CFAP61: variants seen among roughly 807,000 people sequenced by gnomAD.
CFAP61 encodes cilia- and flagella-associated protein 61.
In CFAP61, 107 loss-of-function variants were observed where a neutral mutation model predicts 135.6. The observed-to-expected ratio is 0.79, with a 90% CI of 0.67 to 0.93. The LOEUF is 0.93. Among genes scored for constraint, CFAP61 ranks in the 40% least tolerant of loss-of-function variants. The pLI, the probability that CFAP61 is intolerant of heterozygous loss-of-function variation, is 0.00. For missense variants in CFAP61, 1,507 were observed against 1,556.2 expected (o/e 0.97, Z 0.53); for synonymous variants, 575 against 578.5 (o/e 0.99, Z 0.09).
At chr20:20,148,457 A>AGG (rs1217351916) in intron 9 of CFAP61, among the ~76,000 whole-genome samples, 1 of 151,996 alleles carries the variant, frequency 6.6e-6, no homozygotes, top group African/African-American at 2.4e-5. Flanking sequence ...TTCCTTGTAG[A>AGG]TCTTTCACCT....
chr20:20,196,600 AT>A lies in CFAP61; in HGVS notation c.1623del (p.Ile541MetfsTer35). ...TGAGTACATACGGTCCCATTACAACATTGAAGATTTCATCTACTTCAGTCAC... is the reference window on the plus strand; with the variant it reads ...TGAGTACATACGGTCCCATTACAACATGAAGATTTCATCTACTTCAGTCAC... The part of the protein sequence containing the change: ...DIEYIRSHYN[I>X]EDFIYFSHHQ... On this transcript the variant is annotated frameshift_variant, in exon 16 of 27. Coordinates refer to ENST00000245957, the MANE Select transcript of CFAP61 (RefSeq NM_015585.4). LOFTEE classifies it high-confidence loss of function. The A allele has an allele frequency of 1.2e-6, 2 of 1,614,104 alleles. No homozygotes were observed. The highest frequency in any genetic ancestry group is 1.7e-6 in the Non-Finnish European group (2 of 1,179,974).
chr20:20,171,099 C>G (rs1166940518), intron 13 of CFAP61, among the ~76,000 whole-genome samples: 2 of 152,188 alleles, frequency 1.3e-5, no homozygotes, highest in Non-Finnish European at 2.9e-5. Flanking sequence ...TGTTAGCTTA[C>G]AGAGCCAACT....
intron 9 of CFAP61, among the ~76,000 whole-genome samples, chr20:20,159,124 T>C (rs1417883786): frequency 6.6e-6 from 1 of 152,232 alleles, no homozygotes; most frequent in Non-Finnish European, 1.5e-5. Flanking sequence ...GCACCTGCAC[T>C]ATGCAAAGCA....
At chr20:20,131,965 T>C (rs2050562055) in intron 8 of CFAP61, among the ~76,000 whole-genome samples, 1 of 152,102 alleles carries the variant, frequency 6.6e-6, no homozygotes, top group Non-Finnish European at 1.5e-5. Context: ...CAACAAATTT[T>C]TAAGTGTTCA....
chr20:20,090,812 G>C lies in CFAP61; in HGVS notation c.567-32G>C, dbSNP rs575802315. 11 of 1,608,360 alleles carry C rather than the reference G, an allele frequency of 6.8e-6. No individual in the cohort carries two copies. The South Asian group carries it at 1.1e-4, about 16-fold the overall frequency. On this transcript the variant is annotated intron_variant, in intron 6 of 26. Coordinates refer to ENST00000245957, the MANE Select transcript of CFAP61 (RefSeq NM_015585.4). The stretch of plus-strand genomic sequence containing the variant: ...TGTTGAAGGAAAAAAATGAGTGAAC[G>C]AACACTGAACTTCAGCCTTTCTATT...
chr20:20,277,848 G>A (rs2053891438), intron 22 of CFAP61, among the ~76,000 whole-genome samples: 1 of 152,150 alleles, frequency 6.6e-6, no homozygotes, highest in African/African-American at 2.4e-5. Flanking sequence ...CTTTAGTTGA[G>A]ATTTTCACCA....
intron 20 of CFAP61, among the ~76,000 whole-genome samples, chr20:20,259,209 G>A (rs905990459): frequency 2.7e-5 from 4 of 149,704 alleles, no homozygotes; most frequent in African/African-American, 9.8e-5. Flanking sequence ...CGGTAAGGTG[G>A]CTCCCTGATG....
At position 20,255,491 on chromosome 20, in the gene CFAP61, T is replaced by C. The variant is rs963787988; in HGVS notation, c.2328+3728T>C. Among the ~76,000 whole-genome samples, 5 of 152,256 alleles carry C rather than the reference T, an allele frequency of 3.3e-5. No individual in the cohort carries two copies. The East Asian group carries it at 7.7e-4, about 23-fold the overall frequency. ...GCTGAGACTGTAGTATACAGTGAGC[T>C]TGATGTGGGTCGGCAATGTTACATT... On this transcript the variant is annotated intron_variant, in intron 20 of 26. Coordinates refer to ENST00000245957, the MANE Select transcript of CFAP61 (RefSeq NM_015585.4).
At chr20:20,249,790 G>A (rs1273949446) in intron 19 of CFAP61, among the ~76,000 whole-genome samples, 1 of 151,964 alleles carries the variant, frequency 6.6e-6, no homozygotes, top group Non-Finnish European at 1.5e-5. Flanking sequence ...TTTATCTTTG[G>A]GCACAGCCTC....
chr20:20,065,151 T>A (rs118075767), intron 2 of CFAP61, among the ~76,000 whole-genome samples: 3,742 of 152,274 alleles, frequency 0.025, 68 homozygotes, highest in Non-Finnish European at 0.036. Context: ...GTAGAAAACT[T>A]GTAAAAATTA....
chr20:20,179,809 T>C (rs1256344968), intron 13 of CFAP61, among the ~76,000 whole-genome samples: 1 of 152,196 alleles, frequency 6.6e-6, no homozygotes, highest in African/African-American at 2.4e-5. Flanking sequence ...CGTGCTGGGA[T>C]AACTGGGTAG....
chr20:20,155,447 A>G (rs1426451866), intron 9 of CFAP61, among the ~76,000 whole-genome samples: 1 of 152,246 alleles, frequency 6.6e-6, no homozygotes, highest in African/African-American at 2.4e-5. Flanking sequence ...AAGCTTCTGC[A>G]CAGCAGAAGA....
intron 5 of CFAP61, 47 bp downstream of exon 5, chr20:20,075,303 A>G (rs2045974389): frequency 6.3e-7 from 1 of 1,586,664 alleles, no homozygotes. Context: ...AAACATTGAA[A>G]ATTCACTCCC....
chr20:20,075,192 C>A lies in CFAP61; in HGVS notation c.375C>A (p.Thr125=). 1.2e-6 allele frequency: 2 copies of A among 1,614,002 alleles called. No homozygotes were observed. The highest frequency in any genetic ancestry group is 1.7e-6 in the Non-Finnish European group (2 of 1,179,918). ...SVGCCKEILR[T]VYKAVPELHF... ...CCACCCTCTCTTTCCTCACCAGAAC[C>A]GTGTATAAGGCAGTGCCAGAGCTGC... The change falls in exon 5 of 27, where the codon ACC becomes ACA. Residue 125 remains threonine (T), a synonymous_variant. Transcript: ENST00000245957.
chr20:20,112,196 C>G (rs933058371), intron 8 of CFAP61, among the ~76,000 whole-genome samples: 1 of 152,014 alleles, frequency 6.6e-6, no homozygotes, highest in African/African-American at 2.4e-5. Context: ...TGGCATAGAA[C>G]TTCTAAAATA....
At chr20:20,098,590 A>T in intron 7 of CFAP61, 65 bp from the exon 8 acceptor site, 1 of 1,433,698 alleles carries the variant, frequency 7.0e-7, no homozygotes, top group South Asian at 1.4e-5. Flanking sequence ...CCTGGGTGAC[A>T]GAGCGAGACT....
intron 26 of CFAP61, among the ~76,000 whole-genome samples, chr20:20,354,177 A>G (rs2058955589): frequency 6.6e-6 from 1 of 152,216 alleles, no homozygotes; most frequent in South Asian, 2.1e-4. Context: ...ATTTTCAACA[A>G]CATGAATGAA....
rs904469970 is a variant in CFAP61 at position 20,289,009 on chromosome 20, C to T, written c.3124+73C>T. 4 of 1,251,540 alleles carry T rather than the reference C, an allele frequency of 3.2e-6. No homozygotes were observed. The African/African-American group carries it at 4.5e-5, about 14-fold the overall frequency. The allele number at this position is 1,251,540 out of a possible 1,614,324, so 77.5% of individuals were successfully genotyped here. ...TGGCTCAGCAGTCAGGCCAGTCCTC[C>T]AGGTTTCTCTTAGGCTTGGGGAAAA... is the stretch of plus-strand genomic sequence containing the variant. On this transcript the variant is annotated intron_variant, in intron 23 of 26. Coordinates refer to ENST00000245957, the MANE Select transcript of CFAP61 (RefSeq NM_015585.4).
Position 20,270,480 on chromosome 20 carries a change from G to A in CFAP61, c.2504-6686G>A, listed in dbSNP as rs73285304. 9.7e-3 allele frequency among the ~76,000 whole-genome samples: 1,469 copies of A among 152,220 alleles called. 22 individuals are homozygous for A. The highest frequency in any genetic ancestry group is 0.031 in the African/African-American group (1,308 of 41,526). Reference sequence around the variant, plus strand: ...GGTACATCTATGACTAAAAGAATTAGCACTTTATTTTACTTCTTGAACTTA... The same window carrying A: ...GGTACATCTATGACTAAAAGAATTAACACTTTATTTTACTTCTTGAACTTA... On this transcript the variant is annotated intron_variant, in intron 21 of 26. Coordinates refer to ENST00000245957, the MANE Select transcript of CFAP61 (RefSeq NM_015585.4).
Sources: allele counts gnomAD v4.1 joint callset (sites outside exome capture counted in the v4.1 genomes callset), GRCh38; gene constraint gnomAD v4.1.1; transcripts MANE v1.5; gene names NCBI Gene and HGNC (gene_info 2026-07-23, HGNC 2026-07-21).